Variants in PGGT1B observed in about 807,000 individuals in gnomAD.
PGGT1B encodes protein geranylgeranyltransferase type I subunit beta.
Under a neutral mutation model 46.1 loss-of-function variants are expected in PGGT1B, and 30 were observed. The ratio of observed to expected loss-of-function variants is 0.65; its 90% CI spans 0.49 to 0.88. The LOEUF is 0.88. Ranked by LOEUF, PGGT1B falls within the 40% of genes least tolerant of loss-of-function variation. The pLI is 0.00. For synonymous variants in PGGT1B, 170 were observed against 160.0 expected (o/e 1.06, Z -0.47); for missense variants, 376 against 455.9 (o/e 0.82, Z 1.60).
chr5:115,249,398 A>G (rs1032239016), intron 2 of PGGT1B, among the ~76,000 whole-genome samples: 1 of 152,162 alleles, frequency 6.6e-6, no homozygotes. Flanking sequence ...CACTTGGACA[A>G]GGGAGGGGAA....
intron 5 of PGGT1B, among the ~76,000 whole-genome samples, chr5:115,234,166 GTT>G (rs35683946): frequency 3.5e-5 from 5 of 143,696 alleles, no homozygotes; most frequent in Middle Eastern, 3.3e-3. Context: ...TTGTATTGGT[GTT>G]TTTTTTTTTC....
chr5:115,210,249 CAG>C lies in PGGT1B; in HGVS notation c.*2151_*2152del, dbSNP rs569496411. On this transcript the variant is annotated 3_prime_UTR_variant, in exon 9 of 9. Coordinates refer to ENST00000419445, the MANE Select transcript of PGGT1B (RefSeq NM_005023.4). ...AAGGAGACAAGTATAGAGTAGGTAA[CAG>C]AGCTTTTTGAGATTTCGGACTTCGT... is the stretch of plus-strand genomic sequence containing the variant. 42 of 152,116 alleles carry C rather than the reference CAG, an allele frequency of 2.8e-4. No homozygotes were observed. The highest frequency in any genetic ancestry group is 9.2e-4 in the African/African-American group (38 of 41,516). The allele number at this position is 152,116 out of a possible 1,614,324, so 9.4% of individuals were successfully genotyped here.
chr5:115,224,609 C>T (rs988259285), intron 6 of PGGT1B, among the ~76,000 whole-genome samples: 8 of 152,052 alleles, frequency 5.3e-5, no homozygotes, highest in Non-Finnish European at 7.4e-5. Flanking sequence ...TGGCTCATGC[C>T]TGTAAATCCC....
Position 115,207,785 on chromosome 5 carries a change from A to G in PGGT1B, c.*4617T>C, listed in dbSNP as rs1263252058. On this transcript the variant is annotated 3_prime_UTR_variant, in exon 9 of 9. Transcript: ENST00000419445. Reference sequence around the variant, plus strand: ...TTTATTTTGTCTAACTTCATTGGCTATAACTCTCAACACATTGTTAAGTAG... The same window carrying G: ...TTTATTTTGTCTAACTTCATTGGCTGTAACTCTCAACACATTGTTAAGTAG... 1 of 152,028 alleles carries G rather than the reference A, an allele frequency of 6.6e-6. No homozygotes were observed. Among genetic ancestry groups the G allele is most frequent in the Non-Finnish European group, 1.5e-5 (1 of 67,958 alleles). The allele number at this position is 152,028 out of a possible 1,614,324, so 9.4% of individuals were successfully genotyped here.
At chr5:115,248,663 A>C (rs1747957632) in intron 2 of PGGT1B, among the ~76,000 whole-genome samples, 1 of 152,186 alleles carries the variant, frequency 6.6e-6, no homozygotes, top group African/African-American at 2.4e-5. Flanking sequence ...AAATATTCAC[A>C]ATGTCCTTAT....
chr5:115,214,837 G>A (rs1387256545), intron 8 of PGGT1B, among the ~76,000 whole-genome samples: 2 of 152,166 alleles, frequency 1.3e-5, no homozygotes, highest in South Asian at 2.1e-4. Flanking sequence ...CCCTGCACTG[G>A]TTTAAAAAAT....
intron 2 of PGGT1B, 31 bp downstream of exon 2, chr5:115,253,106 A>G: frequency 6.3e-7 from 1 of 1,593,646 alleles, no homozygotes; most frequent in Non-Finnish European, 8.5e-7. Context: ...AACCAGTCAC[A>G]CTAAAAATAA....
chr5:115,260,352 T>C (rs1280907945), intron 1 of PGGT1B, among the ~76,000 whole-genome samples: 2 of 152,188 alleles, frequency 1.3e-5, no homozygotes, highest in African/African-American at 4.8e-5. Flanking sequence ...ATCATTAGTT[T>C]AACACTGTAT....
At position 115,211,509 on chromosome 5, in the gene PGGT1B, G is replaced by A. The variant is rs1442141124; in HGVS notation, c.*893C>T. On this transcript the variant is annotated 3_prime_UTR_variant, in exon 9 of 9. Coordinates refer to ENST00000419445, the MANE Select transcript of PGGT1B (RefSeq NM_005023.4). ...AATTAGAGCAGCTAACACACTGGGG[G>A]CAATAAATTAAAAACTTCAAATGGC... is the stretch of plus-strand genomic sequence containing the variant. 6.8e-6 allele frequency: 1 copy of A among 147,428 alleles called. No homozygotes were observed. The highest frequency in any genetic ancestry group is 6.9e-5 in the Admixed American group (1 of 14,396). 9.1% of individuals were successfully genotyped at this position (147,428 alleles called of 1,614,324 possible).
Sources: allele counts gnomAD v4.1 joint callset (sites outside exome capture counted in the v4.1 genomes callset), GRCh38; gene constraint gnomAD v4.1.1; transcripts MANE v1.5; gene names NCBI Gene and HGNC (gene_info 2026-07-23, HGNC 2026-07-21).